The following CDKL4 variants were observed in gnomAD, a reference collection of about 807,000 sequenced individuals.
CDKL4 encodes cyclin-dependent kinase-like 4.
CDKL4 carries 44 observed loss-of-function variants against 42.0 expected under a neutral mutation model. That is an observed-to-expected ratio of 1.05 (90% CI 0.82 to 1.35). The LOEUF (loss-of-function observed/expected upper bound fraction) is 1.35, where lower values mean the gene tolerates loss of function less well. Ranked by LOEUF, CDKL4 falls within the 40% of genes most tolerant of loss-of-function variation. The pLI, the probability that CDKL4 is intolerant of heterozygous loss-of-function variation, is 0.00. For synonymous variants in CDKL4, 120 were observed against 121.6 expected, an observed-to-expected ratio of 0.99 and a Z score of 0.09; for missense variants, 393 against 369.9, an observed-to-expected ratio of 1.06 and a Z score of -0.51.
chr2:39,182,671 C>G (rs894593856), intron 8 of CDKL4, among the ~76,000 whole-genome samples: 1 of 152,206 alleles, frequency 6.6e-6, no homozygotes, highest in Non-Finnish European at 1.5e-5. Flanking sequence ...TCAAATTTCA[C>G]AGAAAACGCT....
chr2:39,175,355 C>T (rs1675122223), downstream of CDKL4, among the ~76,000 whole-genome samples: 1 of 152,156 alleles, frequency 6.6e-6, no homozygotes, highest in Non-Finnish European at 1.5e-5. Flanking sequence ...TGTCATTGGT[C>T]CACTGTTTGC....
intron 3 of CDKL4, among the ~76,000 whole-genome samples, chr2:39,218,491 T>C (rs1467111014): frequency 2.0e-5 from 3 of 151,918 alleles, no homozygotes; most frequent in Non-Finnish European, 1.5e-5. Flanking sequence ...AATGAGACCT[T>C]CTCTCAAAAA....
upstream of CDKL4, among the ~76,000 whole-genome samples, chr2:39,245,277 G>A (rs182156037): frequency 2.5e-4 from 38 of 152,150 alleles, no homozygotes; most frequent in Non-Finnish European, 1.2e-4. Flanking sequence ...AGTTCACCGG[G>A]AGGAAGGAAC....
chr2:39,169,963 T>C, the CDKL4 span, among the ~76,000 whole-genome samples: 2 of 152,216 alleles, frequency 1.3e-5, no homozygotes, highest in South Asian at 4.2e-4. Flanking sequence ...CTTGACCTCC[T>C]GGGCTCAAGG....
intron 5 of CDKL4, among the ~76,000 whole-genome samples, chr2:39,193,346 T>A (rs1396785735): frequency 6.7e-6 from 1 of 149,548 alleles, no homozygotes; most frequent in Non-Finnish European, 1.5e-5. Flanking sequence ...GGTGTAAACA[T>A]CATTTATAAA....
In CDKL4 at chr2:39,184,753, G is replaced by C. The variant is rs143603159; in HGVS notation, c.736-106C>G. The C allele has an allele frequency of 5.1e-4, 360 of 703,590 alleles. 3 individuals are homozygous for C. The African/African-American group carries it at 5.6e-3, about 11-fold the overall frequency. The allele number at this position is 703,590 out of a possible 1,614,324, so 43.6% of individuals were successfully genotyped here. ...GTGTGTGTGTGTGTGTGTGTATTTAGAGATACTGTCTCCCTCTATCTCCCA... is the reference window on the plus strand; with the variant it reads ...GTGTGTGTGTGTGTGTGTGTATTTACAGATACTGTCTCCCTCTATCTCCCA... On this transcript the variant is annotated intron_variant, in intron 7 of 9. Transcript: ENST00000451199.
rs540553336 is a variant in CDKL4 at position 39,201,189 on chromosome 2, T to G, written c.454+3338A>C. On this transcript the variant is annotated intron_variant, in intron 5 of 9. Transcript: ENST00000451199. ...ACATTCTCAAAAGAAGATATACAAA[T>G]GGCTAACAAAAACATGAAAAAAATG... Among the ~76,000 whole-genome samples the G allele has an allele frequency of 9.2e-5, 14 of 151,384 alleles. No homozygotes were observed. The South Asian group carries it at 2.9e-3, about 32-fold the overall frequency.
chr2:39,181,527 T>G (rs1572939632), intron 8 of CDKL4, among the ~76,000 whole-genome samples: 1 of 152,212 alleles, frequency 6.6e-6, no homozygotes, highest in South Asian at 2.1e-4. Flanking sequence ...ATGGGTTGAG[T>G]TGTATCGCCG....
At chr2:39,225,872 G>A (rs1256760848) in exon 3 of CDKL4, 2 of 1,609,100 alleles carry the variant, frequency 1.2e-6, no homozygotes, top group East Asian at 2.3e-5. Flanking sequence ...ATTTAAAAGT[G>A]TATGATCACA....
chr2:39,236,863 C>T (rs539437416), intron 1 of CDKL4, among the ~76,000 whole-genome samples: 1 of 152,210 alleles, frequency 6.6e-6, no homozygotes, highest in East Asian at 1.9e-4. Flanking sequence ...CTGATTACAA[C>T]CATAACAAGT....
chr2:39,229,418 C>T lies in CDKL4; in HGVS notation c.115G>A (p.Glu39Lys), dbSNP rs141333215. Reference sequence around the variant, plus strand: ...ATTTTCTTAACAACAGGATCATCTTCAGATTCCACAAATTTTTTAACAGCT... The same window carrying T: ...ATTTTCTTAACAACAGGATCATCTTTAGATTCCACAAATTTTTTAACAGCT... Residue 39 changes from glutamate (E) to lysine (K), a missense_variant, in exon 2 of 10, where the codon GAA (glutamate) becomes AAA (lysine). By Grantham distance (56) the Glu-to-Lys change is moderately conservative (BLOSUM62 1). Coordinates refer to ENST00000451199, the Ensembl canonical transcript of CDKL4. The T allele has an allele frequency of 7.2e-4, 1,155 of 1,612,340 alleles. No homozygotes were observed. The highest frequency in any genetic ancestry group is 8.1e-4 in the Non-Finnish European group (961 of 1,179,420).
chr2:39,190,192 G>T lies in CDKL4; in HGVS notation c.652+113C>A, dbSNP rs114059813. 2.3e-3 allele frequency: 1,648 copies of T among 725,512 alleles called. 25 individuals are homozygous for T. The African/African-American group carries it at 0.027, about 12-fold the overall frequency. 44.9% of individuals were successfully genotyped at this position (725,512 alleles called of 1,614,324 possible). Reference sequence around the variant, plus strand: ...GAACAACCATCCTGAGTGACACTTTGAAGAAGCAATAAAACTCTTGTTTTT... The same window carrying T: ...GAACAACCATCCTGAGTGACACTTTTAAGAAGCAATAAAACTCTTGTTTTT... On this transcript the variant is annotated intron_variant, in intron 6 of 9. Coordinates refer to ENST00000451199, the Ensembl canonical transcript of CDKL4.
intron 5 of CDKL4, among the ~76,000 whole-genome samples, chr2:39,197,090 T>G (rs527988974): frequency 3.2e-4 from 49 of 152,016 alleles, no homozygotes; most frequent in African/African-American, 1.2e-3. Context: ...ATACAGGATA[T>G]GAATGGAAAA....
intron 4 of CDKL4, 110 bp downstream of exon 4, chr2:39,213,290 T>C: frequency 4.3e-6 from 3 of 699,750 alleles, no homozygotes; most frequent in South Asian, 4.1e-5. Context: ...TTTGCTTCTT[T>C]GGCTCTTACT....
intron 1 of CDKL4, among the ~76,000 whole-genome samples, chr2:39,240,164 C>T (rs1679588607): frequency 6.6e-6 from 1 of 151,786 alleles, no homozygotes; most frequent in African/African-American, 2.4e-5. Context: ...AATCCCAGCA[C>T]TTTGGGAGGC....
intron 1 of CDKL4, among the ~76,000 whole-genome samples, chr2:39,237,065 G>A (rs1459640112): frequency 6.6e-6 from 1 of 152,152 alleles, no homozygotes; most frequent in Non-Finnish European, 1.5e-5. Context: ...CCTGATAGAA[G>A]TCAAAGTCAG....
intron 3 of CDKL4, among the ~76,000 whole-genome samples, chr2:39,221,301 C>T (rs1678352902): frequency 6.6e-6 from 1 of 152,096 alleles, no homozygotes; most frequent in Non-Finnish European, 1.5e-5. Context: ...AGGCGTGAGC[C>T]ACTGCGCCCG....
chr2:39,194,788 G>T (rs1256456301), intron 5 of CDKL4, among the ~76,000 whole-genome samples: 1 of 151,972 alleles, frequency 6.6e-6, no homozygotes, highest in Non-Finnish European at 1.5e-5. Flanking sequence ...TATAGGAGGA[G>T]CTTAAATTTA....
At chr2:39,219,381 G>C (rs902822537) in intron 3 of CDKL4, among the ~76,000 whole-genome samples, 1 of 151,674 alleles carries the variant, frequency 6.6e-6, no homozygotes, top group Non-Finnish European at 1.5e-5. Flanking sequence ...CTGGCAGATG[G>C]CCACTCAGTA....
Sources: allele counts gnomAD v4.1 joint callset (sites outside exome capture counted in the v4.1 genomes callset), GRCh38; gene constraint gnomAD v4.1.1; transcripts MANE v1.5; gene names NCBI Gene and HGNC (gene_info 2026-07-23, HGNC 2026-07-21).